The following SLC22A25 variants were observed in gnomAD, a reference collection of about 807,000 sequenced individuals.
SLC22A25 encodes solute carrier family 22 member 25, also known as MGI:2442751, MGI:2385316, MGI:3042283, MGI:3645714, MGI:3605624, MGI:2442750.
A neutral mutation model predicts 45.9 loss-of-function variants in SLC22A25; 44 were observed. The observed-to-expected ratio is 0.96, with a 90% CI of 0.75 to 1.23. The LOEUF is 1.23. SLC22A25 is among the 50% of genes most tolerant of loss of function. SLC22A25 has a pLI of 0.00. For synonymous variants in SLC22A25, 283 were observed against 238.6 expected (o/e 1.19, Z -1.72); for missense variants, 800 against 666.4 (o/e 1.20, Z -2.21).
chr11:63,234,987 G>A (rs529508473), intron 3 of SLC22A25, among the ~76,000 whole-genome samples: 1 of 152,332 alleles, frequency 6.6e-6, no homozygotes, highest in South Asian at 2.1e-4. Flanking sequence ...CTGGCTTGTA[G>A]AGTTTCTGCT....
intron 7 of SLC22A25, among the ~76,000 whole-genome samples, chr11:63,206,133 T>A (rs1437868640): frequency 6.6e-6 from 1 of 152,196 alleles, no homozygotes; most frequent in African/African-American, 2.4e-5. Context: ...ATGGAACGTA[T>A]CTCAAAATAA....
At chr11:63,187,041 T>G (rs1303284057) in intron 7 of SLC22A25, among the ~76,000 whole-genome samples, 2 of 152,142 alleles carry the variant, frequency 1.3e-5, no homozygotes, top group Non-Finnish European at 2.9e-5. Flanking sequence ...CTTTTTTGGT[T>G]CCATATGAAC....
At chr11:63,233,200 G>C (rs1346819393) in intron 3 of SLC22A25, among the ~76,000 whole-genome samples, 1 of 152,168 alleles carries the variant, frequency 6.6e-6, no homozygotes. Flanking sequence ...AGTACTTTAA[G>C]AAGGAATGGT....
At chr11:63,218,483 G>A (rs775587902) in intron 5 of SLC22A25, among the ~76,000 whole-genome samples, 1 of 152,076 alleles carries the variant, frequency 6.6e-6, no homozygotes, top group Non-Finnish European at 1.5e-5. Flanking sequence ...ACCTGCACAT[G>A]CACACCTTGA....
intron 7 of SLC22A25, among the ~76,000 whole-genome samples, chr11:63,196,171 G>A (rs1052380040): frequency 5.9e-5 from 9 of 152,062 alleles, no homozygotes; most frequent in Non-Finnish European, 1.0e-4. Context: ...TTCTACCAGA[G>A]GTACAAAGAG....
In SLC22A25 at chr11:63,228,550, G is replaced by T; in HGVS notation, c.417C>A (p.Cys139Ter). The stretch of plus-strand genomic sequence containing the variant: ...CTACTGAATTCAGTGGTTGAGATTC[G>T]CATACCAGATCCCACTGGAAGAAAA... ...STIVTKWDLV[C>*]ESQPLNSVAK... The change falls in exon 5 of 12, where the codon TGC becomes TGA. Residue 139 changes from cysteine to a stop codon, truncating the protein, a stop_gained. Transcript: ENST00000306494. LOFTEE classifies it high-confidence loss of function. The T allele has an allele frequency of 1.2e-6, 2 of 1,612,726 alleles. No homozygotes were observed. The highest frequency in any genetic ancestry group is 1.7e-6 in the Non-Finnish European group (2 of 1,179,396).
chr11:63,190,673 T>C lies in SLC22A25; in HGVS notation c.831-6856A>G, dbSNP rs779959222. On this transcript the variant is annotated intron_variant, in intron 7 of 11. Transcript: ENST00000306494. ...TTACTCTGTTTTTTCCCCATCTCTGTGGTTTTATCTACCTTTGCTCTTTGA... is the reference window on the plus strand; with the variant it reads ...TTACTCTGTTTTTTCCCCATCTCTGCGGTTTTATCTACCTTTGCTCTTTGA... Among the ~76,000 whole-genome samples, 4 of 152,190 alleles carry C rather than the reference T, an allele frequency of 2.6e-5. No individual in the cohort carries two copies. The South Asian group carries it at 6.2e-4, about 24-fold the overall frequency.
intron 9 of SLC22A25, chr11:63,168,206 G>T (rs1047355070): frequency 6.5e-6 from 1 of 153,684 alleles, no homozygotes; most frequent in Admixed American, 6.5e-5. Context: ...CCATAAAGAT[G>T]AGGAAAAACC....
intron 7 of SLC22A25, among the ~76,000 whole-genome samples, chr11:63,215,156 A>C (rs1188340999): frequency 1.3e-5 from 2 of 152,230 alleles, no homozygotes; most frequent in African/African-American, 2.4e-5. Context: ...AGAACTATTC[A>C]CAATAGCAAA....
chr11:63,184,000 C>A (rs544933313), intron 7 of SLC22A25, among the ~76,000 whole-genome samples, 183 bp from the exon 8 acceptor site: 1 of 152,202 alleles, frequency 6.6e-6, no homozygotes, highest in African/African-American at 2.4e-5. Context: ...ACTCTCTGTG[C>A]AGTACACATT....
intron 8 of SLC22A25, among the ~76,000 whole-genome samples, chr11:63,181,183 AAG>A (rs1284961217): frequency 6.6e-6 from 1 of 152,112 alleles, no homozygotes; most frequent in Non-Finnish European, 1.5e-5. Context: ...TGCCTCAGGA[AAG>A]AGATAAATTT....
chr11:63,181,420 T>A (rs7928993), intron 8 of SLC22A25, among the ~76,000 whole-genome samples: 68,194 of 134,988 alleles, frequency 0.51, 17,540 homozygotes, highest in Non-Finnish European at 0.58. Context: ...AGTCCTGGTG[T>A]GTGATGTTCC....
In SLC22A25 at chr11:63,204,355, CA is replaced by C. The variant is rs141318266; in HGVS notation, c.830+12958del. ...GGCTAAATGCCCCAAATAAAATACA[CA>C]GATGGGCAAATTGGATAAAGAGTCA... On this transcript the variant is annotated intron_variant, in intron 7 of 11. Transcript: ENST00000306494. Among the ~76,000 whole-genome samples the C allele has an allele frequency of 4.6e-3, 704 of 152,226 alleles. 7 individuals are homozygous for C. Among genetic ancestry groups the C allele is most frequent in the African/African-American group, 0.016 (663 of 41,528 alleles).
intron 7 of SLC22A25, among the ~76,000 whole-genome samples, chr11:63,190,230 G>A (rs1273968983): frequency 6.6e-6 from 1 of 152,036 alleles, no homozygotes; most frequent in African/African-American, 2.4e-5. Context: ...ATTTCCTGGA[G>A]GCTTTTCTTG....
chr11:63,233,438 A>G (rs2090106991), intron 3 of SLC22A25, among the ~76,000 whole-genome samples: 1 of 152,068 alleles, frequency 6.6e-6, no homozygotes, highest in African/African-American at 2.4e-5. Flanking sequence ...TGTTTATAGT[A>G]TTGTCTGATG....
At chr11:63,214,656 G>T (rs1056423147) in intron 7 of SLC22A25, among the ~76,000 whole-genome samples, 7 of 152,090 alleles carry the variant, frequency 4.6e-5, no homozygotes, top group Non-Finnish European at 1.0e-4. Context: ...AGTAAGAAAT[G>T]ATGTAATGCA....
At chr11:63,210,636 T>G (rs931111744) in intron 7 of SLC22A25, among the ~76,000 whole-genome samples, 3 of 152,122 alleles carry the variant, frequency 2.0e-5, no homozygotes, top group Non-Finnish European at 2.9e-5. Flanking sequence ...CAGACTGGGC[T>G]CCATATTTTT....
At position 63,163,707 on chromosome 11, in the gene SLC22A25, T is replaced by C. The variant is rs564397185; in HGVS notation, c.*117A>G. ...GCTCAGGGGATGTATGAGGTCACTG[T>C]GGAAGGGATGAGGATACACCAAAGG... is the stretch of plus-strand genomic sequence containing the variant. On this transcript the variant is annotated 3_prime_UTR_variant, in exon 12 of 12. Transcript: ENST00000306494. The C allele has an allele frequency of 2.9e-6, 4 of 1,373,164 alleles. No homozygotes were observed. Among genetic ancestry groups the C allele is most frequent in the Non-Finnish European group, 3.9e-6 (4 of 1,016,930 alleles). 85.1% of individuals were successfully genotyped at this position (1,373,164 alleles called of 1,614,324 possible). A position where few individuals can be genotyped will look rare whatever the true frequency, so the allele number is the denominator to read the frequency against.
rs759594949 is a variant in SLC22A25, at chr11:63,217,436, C to T, written c.708G>A (p.Leu236=). Residue 236 remains leucine (L), a synonymous_variant, in exon 7 of 12, where the codon TTG becomes TTA. Coordinates refer to ENST00000306494, the MANE Select transcript of SLC22A25 (RefSeq NM_199352.6). The part of the protein sequence containing the change: ...THQFCAMALT[L]TLCAASIGHI... ...GTCCAATACTAGCAGCACAAAGTGT[C>T]AATGTCAATGCCATGGCACAGAATT... The T allele has an allele frequency of 6.2e-7, 1 of 1,613,936 alleles. No individual in the cohort carries two copies. The highest frequency in any genetic ancestry group is 1.3e-5 in the African/African-American group (1 of 74,940).
Sources: allele counts gnomAD v4.1 joint callset (sites outside exome capture counted in the v4.1 genomes callset), GRCh38; gene constraint gnomAD v4.1.1; transcripts MANE v1.5; gene names NCBI Gene and HGNC (gene_info 2026-07-23, HGNC 2026-07-21).